The following PDE3B variants were observed in gnomAD, a reference collection of about 807,000 sequenced individuals.
PDE3B encodes cGMP-inhibited 3',5'-cyclic phosphodiesterase 3B.
A neutral mutation model predicts 116.8 loss-of-function variants in PDE3B; 66 were observed. That is an observed-to-expected ratio of 0.56 (90% CI 0.46 to 0.69). The LOEUF (loss-of-function observed/expected upper bound fraction) is 0.69, where lower values mean the gene tolerates loss of function less well. PDE3B is among the 30% of genes least tolerant of loss of function. PDE3B has a pLI of 0.00. For missense variants in PDE3B, 1,384 were observed against 1,368.1 expected (o/e 1.01, Z -0.18); for synonymous variants, 595 against 533.6 (o/e 1.12, Z -1.59).
intron 1 of PDE3B, among the ~76,000 whole-genome samples, chr11:14,753,282 A>T (rs999659288): frequency 3.9e-5 from 6 of 152,248 alleles, no homozygotes; most frequent in African/African-American, 1.4e-4. Context: ...CCGAGGATAA[A>T]GAAGGCCAGG....
rs980166954 is a variant in PDE3B, at chr11:14,765,867, A to G, written c.979-6070A>G. On this transcript the variant is annotated intron_variant, in intron 1 of 15. Coordinates refer to ENST00000282096, the MANE Select transcript of PDE3B (RefSeq NM_000922.4). ...AATTCTTATATTTAAGTTATTTACAAGATCTACTTTGGTATTGGGTTTAGA... is the reference window on the plus strand; with the variant it reads ...AATTCTTATATTTAAGTTATTTACAGGATCTACTTTGGTATTGGGTTTAGA... Among the ~76,000 whole-genome samples the G allele has an allele frequency of 2.7e-4, 41 of 150,754 alleles. 1 individual carries two copies. Among genetic ancestry groups the G allele is most frequent in the Admixed American group, 2.4e-3 (36 of 15,080 alleles).
At chr11:14,842,600 G>A (rs1454395467) in intron 11 of PDE3B, among the ~76,000 whole-genome samples, 1 of 152,142 alleles carries the variant, frequency 6.6e-6, no homozygotes, top group Non-Finnish European at 1.5e-5. Context: ...CTAAGCCGGT[G>A]TAGTGGTACA....
At chr11:14,704,614 G>T (rs1256276796) in intron 1 of PDE3B, among the ~76,000 whole-genome samples, 1 of 151,508 alleles carries the variant, frequency 6.6e-6, no homozygotes, top group Non-Finnish European at 1.5e-5. Flanking sequence ...ATATTCAGTT[G>T]GTTTTTGGCA....
intron 12 of PDE3B, among the ~76,000 whole-genome samples, chr11:14,850,374 A>G (rs1472301495): frequency 6.6e-6 from 1 of 152,106 alleles, no homozygotes; most frequent in Non-Finnish European, 1.5e-5. Flanking sequence ...GCTTTAGGAG[A>G]TATACCTAAT....
At chr11:14,778,655 C>A (rs1857869259) in intron 2 of PDE3B, among the ~76,000 whole-genome samples, 1 of 152,144 alleles carries the variant, frequency 6.6e-6, no homozygotes, top group Non-Finnish European at 1.5e-5. Flanking sequence ...CACACCAGAA[C>A]CCCGTCTGAC....
At chr11:14,746,958 G>A (rs1309057695) in intron 1 of PDE3B, among the ~76,000 whole-genome samples, 1 of 152,144 alleles carries the variant, frequency 6.6e-6, no homozygotes, top group Non-Finnish European at 1.5e-5. Context: ...AGGTTTAGTT[G>A]GCTCATAGTT....
intron 1 of PDE3B, among the ~76,000 whole-genome samples, chr11:14,756,862 T>A (rs551143145): frequency 2.6e-5 from 4 of 151,766 alleles, no homozygotes; most frequent in African/African-American, 9.7e-5. Context: ...GCAGGTTAGT[T>A]ACATATGTAT....
rs996980444 is a variant in PDE3B, at chr11:14,702,065, A to G, written c.978+57012A>G. ...CTGTTAGTTGAAAATTCTGTTCCCT[A>G]GGTTAATTTGCCTAATTTTTAAAGT... is the stretch of plus-strand genomic sequence containing the variant. On this transcript the variant is annotated intron_variant, in intron 1 of 15. Transcript: ENST00000282096. Among the ~76,000 whole-genome samples, 10 of 148,934 alleles carry G rather than the reference A, an allele frequency of 6.7e-5. No individual in the cohort carries two copies. The East Asian group carries it at 7.9e-4, about 12-fold the overall frequency.
intron 1 of PDE3B, among the ~76,000 whole-genome samples, chr11:14,675,847 A>C (rs1565086938): frequency 6.6e-6 from 1 of 152,136 alleles, no homozygotes; most frequent in Non-Finnish European, 1.5e-5. Flanking sequence ...TGCTCTGAGC[A>C]TTCTTGTGCA....
chr11:14,879,717 T>C, the PDE3B span, among the ~76,000 whole-genome samples: 1 of 152,258 alleles, frequency 6.6e-6, no homozygotes, highest in East Asian at 1.9e-4. Flanking sequence ...TCTATTGAAA[T>C]ATATGCTATA....
intron 1 of PDE3B, among the ~76,000 whole-genome samples, chr11:14,681,061 C>A (rs1429722669): frequency 1.3e-5 from 2 of 152,110 alleles, no homozygotes; most frequent in Non-Finnish European, 2.9e-5. Flanking sequence ...CAGTCAAAAC[C>A]AGACTTTCAA....
At chr11:14,694,569 T>C (rs1303103691) in intron 1 of PDE3B, among the ~76,000 whole-genome samples, 1 of 152,212 alleles carries the variant, frequency 6.6e-6, no homozygotes, top group African/African-American at 2.4e-5. Context: ...TAGATTAAGG[T>C]ATGTACATTG....
rs201678877 is a variant in PDE3B, at chr11:14,818,256, A to G, written c.1596A>G (p.Arg532=). The change falls in exon 6 of 16, where the codon CGA becomes CGG. Residue 532 remains arginine, a synonymous_variant. Coordinates refer to ENST00000282096, the MANE Select transcript of PDE3B (RefSeq NM_000922.4). ...TGTCTACTGGCTCTCTAACTAATCG[A>G]TCACCCATAGAATTTCCTGATACTG... ...GPVSTGSLTN[R]SPIEFPDTAD... 1.2e-5 allele frequency: 19 copies of G among 1,613,626 alleles called. No individual in the cohort carries two copies. The South Asian group carries it at 1.8e-4, about 15-fold the overall frequency.
intron 1 of PDE3B, among the ~76,000 whole-genome samples, chr11:14,650,201 G>A (rs1156279839): frequency 7.6e-6 from 1 of 130,894 alleles, no homozygotes; most frequent in Non-Finnish European, 1.7e-5. Flanking sequence ...ATTCAGCAAT[G>A]TTTTTTTTTT....
the PDE3B span, chr11:14,891,195 T>C: frequency 1.0e-6 from 1 of 985,354 alleles, no homozygotes; most frequent in Non-Finnish European, 1.2e-6. Flanking sequence ...TCACAGGGCA[T>C]TTCCGTGCTG....
At chr11:14,648,534 G>A (rs546205701) in intron 1 of PDE3B, among the ~76,000 whole-genome samples, 2 of 151,990 alleles carry the variant, frequency 1.3e-5, no homozygotes, top group South Asian at 4.1e-4. Context: ...CCAATTTCAT[G>A]TTACTATTTT....
the PDE3B span, among the ~76,000 whole-genome samples, chr11:14,895,477 C>CA: frequency 6.6e-6 from 1 of 152,100 alleles, no homozygotes; most frequent in African/African-American, 2.4e-5. Flanking sequence ...AATTCTGTTC[C>CA]CAAGGTGAAT....
rs141415728 is a variant in PDE3B, at chr11:14,830,707, A to C, written c.1817A>C (p.Glu606Ala). 3.9e-5 allele frequency: 57 copies of C among 1,466,118 alleles called. No homozygotes were observed. The African/African-American group carries it at 8.1e-4, about 21-fold the overall frequency. The allele number at this position is 1,466,118 out of a possible 1,614,324, so 90.8% of individuals were successfully genotyped here. Residue 606 changes from glutamate to alanine, a missense_variant, in exon 8 of 16, where the codon GAA becomes GCA. Around this residue, in one of 2 missense-constraint regions of PDE3B, gnomAD observed 956 missense variants for 806.8 expected, o/e 1.18. Coordinates refer to ENST00000282096, the MANE Select transcript of PDE3B (RefSeq NM_000922.4). ...ATATATTTTTTGAAAGGTGAAGAAG[A>C]AAACATTTTCTCGAAAGAATCATTC... is the stretch of plus-strand genomic sequence containing the variant. ...DCCSGKSGEE[E>A]NIFSKESFKL...
chr11:14,826,598 GA>G (rs752424382), intron 7 of PDE3B, among the ~76,000 whole-genome samples: 132 of 152,012 alleles, frequency 8.7e-4, no homozygotes, highest in Non-Finnish European at 9.4e-4. Flanking sequence ...AGACCAATAA[GA>G]AGCTCCAAAA....
Sources: allele counts gnomAD v4.1 joint callset (sites outside exome capture counted in the v4.1 genomes callset), GRCh38; gene constraint gnomAD v4.1.1; regional missense constraint gnomAD v4.1.1; transcripts MANE v1.5; gene names NCBI Gene and HGNC (gene_info 2026-07-23, HGNC 2026-07-21).